PDE3A: variants seen among roughly 807,000 people sequenced by gnomAD.
The protein encoded by PDE3A is cGMP-inhibited 3',5'-cyclic phosphodiesterase 3A.
PDE3A carries 43 observed loss-of-function variants against 98.3 expected under a neutral mutation model. The observed-to-expected ratio is 0.44, with a 90% CI of 0.34 to 0.56. PDE3A has a LOEUF of 0.56. Among genes scored for constraint, PDE3A ranks in the 20% least tolerant of loss-of-function variants. The pLI is 0.01. For missense variants in PDE3A, 1,427 were observed against 1,440.7 expected (o/e 0.99, Z 0.15); for synonymous variants, 663 against 567.9 (o/e 1.17, Z -2.38).
intron 2 of PDE3A, among the ~76,000 whole-genome samples, chr12:20,597,960 A>T (rs1379853196): frequency 6.6e-6 from 1 of 151,506 alleles, no homozygotes; most frequent in East Asian, 1.9e-4. Flanking sequence ...AACAAACAAA[A>T]TTCTATCATA....
intron 1 of PDE3A, among the ~76,000 whole-genome samples, chr12:20,382,829 T>C (rs1167489477): frequency 6.6e-6 from 1 of 152,004 alleles, no homozygotes; most frequent in Non-Finnish European, 1.5e-5. Context: ...TTCTTGCCCA[T>C]TAGGGCCAGG....
rs115574651 is a variant in PDE3A, at chr12:20,663,687, T to A, written c.3184+9482T>A. Among the ~76,000 whole-genome samples the A allele has an allele frequency of 2.9e-3, 448 of 152,332 alleles. 3 individuals are homozygous for A. Among genetic ancestry groups the A allele is most frequent in the African/African-American group, 0.01 (432 of 41,578 alleles). On this transcript the variant is annotated intron_variant, in intron 15 of 15. Coordinates refer to ENST00000359062, the MANE Select transcript of PDE3A (RefSeq NM_000921.5). ...TATTTACCCAGTGCCTGTACCATCA[T>A]TGTATCTGGGAAGTAACTAACTTGC...
At chr12:20,445,366 A>C (rs190643834) in intron 1 of PDE3A, among the ~76,000 whole-genome samples, 1 of 152,284 alleles carries the variant, frequency 6.6e-6, no homozygotes, top group African/African-American at 2.4e-5. Context: ...ATCTGTGTAA[A>C]TCTCATTTTC....
intron 1 of PDE3A, among the ~76,000 whole-genome samples, chr12:20,401,591 C>G (rs1193092007): frequency 6.6e-6 from 1 of 152,140 alleles, no homozygotes; most frequent in Non-Finnish European, 1.5e-5. Flanking sequence ...ATTCTCATCT[C>G]TCTATCCTGA....
chr12:20,505,645 G>A (rs898767577), intron 1 of PDE3A, among the ~76,000 whole-genome samples: 1 of 152,058 alleles, frequency 6.6e-6, no homozygotes, highest in Admixed American at 6.6e-5. Flanking sequence ...GATTTATCAT[G>A]CCATTTCTTT....
At chr12:20,378,566 A>G (rs1378306107) in intron 1 of PDE3A, among the ~76,000 whole-genome samples, 1 of 151,766 alleles carries the variant, frequency 6.6e-6, no homozygotes, top group Non-Finnish European at 1.5e-5. Flanking sequence ...AAATTCTAAA[A>G]AGATCAAAAG....
rs368068135 is a variant in PDE3A, at chr12:20,637,274, G to A, written c.2139+37G>A. 2.0e-4 allele frequency: 301 copies of A among 1,493,236 alleles called. 1 individual carries two copies. In the South Asian group the frequency reaches 2.1e-3, roughly 10 times the overall value. 92.5% of individuals were successfully genotyped at this position (1,493,236 alleles called of 1,614,324 possible). On this transcript the variant is annotated intron_variant, in intron 9 of 15. Transcript: ENST00000359062. ...ATTCATTCACACTAATTTAAATATA[G>A]GAAAAACAGTTCCTTTGTTGCTTAA...
rs116184311 is a variant in PDE3A, at chr12:20,502,727, G to A, written c.961-53933G>A. ...CAAGGAAACTAAGACTATGTATAAA[G>A]GAAACTAATGGTTAACTGAATTCCT... On this transcript the variant is annotated intron_variant, in intron 1 of 15. Coordinates refer to ENST00000359062, the MANE Select transcript of PDE3A (RefSeq NM_000921.5). Among the ~76,000 whole-genome samples the A allele has an allele frequency of 3.3e-3, 504 of 152,172 alleles. 4 individuals are homozygous for A. The highest frequency in any genetic ancestry group is 0.012 in the African/African-American group (482 of 41,532).
chr12:20,397,254 A>G (rs1001846810), intron 1 of PDE3A, among the ~76,000 whole-genome samples: 1 of 151,964 alleles, frequency 6.6e-6, no homozygotes, highest in African/African-American at 2.4e-5. Flanking sequence ...ATGTCTCTCT[A>G]TATGTCTTTA....
chr12:20,676,396 C>T (rs1945639646), intron 15 of PDE3A, among the ~76,000 whole-genome samples: 1 of 151,852 alleles, frequency 6.6e-6, no homozygotes, highest in South Asian at 2.1e-4. Flanking sequence ...ATCTCCTGGA[C>T]TGAATGATTT....
chr12:20,483,199 G>T (rs377754367), intron 1 of PDE3A, among the ~76,000 whole-genome samples: 7 of 152,076 alleles, frequency 4.6e-5, no homozygotes, highest in Non-Finnish European at 4.4e-5. Flanking sequence ...GACCATCCTG[G>T]CCAAAATGTT....
chr12:20,580,035 G>C (rs1054332039), intron 2 of PDE3A, among the ~76,000 whole-genome samples: 1 of 152,146 alleles, frequency 6.6e-6, no homozygotes, highest in Non-Finnish European at 1.5e-5. Context: ...ATGCACGTTA[G>C]ATCAAAATTT....
chr12:20,511,092 G>C (rs1946212181), intron 1 of PDE3A, among the ~76,000 whole-genome samples: 1 of 152,010 alleles, frequency 6.6e-6, no homozygotes, highest in Non-Finnish European at 1.5e-5. Context: ...GCTTGACTAG[G>C]TGTTGCCAGT....
chr12:20,675,472 G>C lies in PDE3A; in HGVS notation c.3185-4558G>C, dbSNP rs543955796. Among the ~76,000 whole-genome samples, 358 of 152,210 alleles carry C rather than the reference G, an allele frequency of 2.4e-3. 1 individual carries two copies. Among genetic ancestry groups the C allele is most frequent in the Non-Finnish European group, 3.7e-3 (251 of 67,984 alleles). On this transcript the variant is annotated intron_variant, in intron 15 of 15. Coordinates refer to ENST00000359062, the MANE Select transcript of PDE3A (RefSeq NM_000921.5). ...TCCAACGTTTATTTATTAATTTTCTGTCTAGATGAGCTGTCTGGTTCTGAG... is the reference window on the plus strand; with the variant it reads ...TCCAACGTTTATTTATTAATTTTCTCTCTAGATGAGCTGTCTGGTTCTGAG...
intron 1 of PDE3A, among the ~76,000 whole-genome samples, chr12:20,554,666 A>G (rs1273213771): frequency 6.6e-6 from 1 of 151,330 alleles, no homozygotes; most frequent in Non-Finnish European, 1.5e-5. Flanking sequence ...AGCTCACTGC[A>G]ATCTTGGCCT....
chr12:20,421,327 T>C (rs1458830756), intron 1 of PDE3A, among the ~76,000 whole-genome samples: 1 of 152,196 alleles, frequency 6.6e-6, no homozygotes, highest in Non-Finnish European at 1.5e-5. Flanking sequence ...CATTTTATAC[T>C]AATAGGAGCT....
At chr12:20,416,039 A>G (rs941833851) in intron 1 of PDE3A, among the ~76,000 whole-genome samples, 1 of 152,222 alleles carries the variant, frequency 6.6e-6, no homozygotes, top group Non-Finnish European at 1.5e-5. Flanking sequence ...ATCTAAAATG[A>G]ATACATGGTG....
intron 1 of PDE3A, among the ~76,000 whole-genome samples, chr12:20,481,966 G>A (rs998506316): frequency 2.6e-5 from 4 of 151,390 alleles, no homozygotes; most frequent in African/African-American, 4.9e-5. Flanking sequence ...GGATTTCACC[G>A]TGTTAGCCAG....
At chr12:20,615,740 TATTA>T (rs1233067107) in intron 3 of PDE3A, among the ~76,000 whole-genome samples, 30 of 151,942 alleles carry the variant, frequency 2.0e-4, no homozygotes, top group African/African-American at 6.8e-4. Context: ...TTTATTTATT[TATTA>T]GACAGACTTC....
Sources: allele counts gnomAD v4.1 joint callset (sites outside exome capture counted in the v4.1 genomes callset), GRCh38; gene constraint gnomAD v4.1.1; transcripts MANE v1.5; gene names NCBI Gene and HGNC (gene_info 2026-07-23, HGNC 2026-07-21).